The following ROBO2 variants were observed in gnomAD, a reference collection of about 807,000 sequenced individuals.
ROBO2 encodes roundabout guidance receptor 2.
ROBO2 carries 53 observed loss-of-function variants against 160.8 expected under a neutral mutation model. The observed-to-expected ratio is 0.33, with a 90% confidence interval of 0.26 to 0.41. ROBO2 has a LOEUF of 0.41. Among genes scored for constraint, ROBO2 ranks in the 10% least tolerant of loss-of-function variants. The pLI, the probability that ROBO2 is intolerant of heterozygous loss-of-function variation, is 1.00. For missense variants in ROBO2, 1,577 were observed against 1,722.4 expected (o/e 0.92, Z 1.49); for synonymous variants, 664 against 611.7 (o/e 1.09, Z -1.26).
At chr3:76,018,720 G>A (rs2107651246) in intron 2 of ROBO2, among the ~76,000 whole-genome samples, 1 of 151,826 alleles carries the variant, frequency 6.6e-6, no homozygotes, top group South Asian at 2.1e-4. Context: ...CTCCCCACAT[G>A]GTTAGTTTCT....
rs551312625 is a variant in ROBO2 at position 76,192,346 on chromosome 3, A to G, written c.109+254744A>G. On this transcript the variant is annotated intron_variant, in intron 2 of 26. Coordinates refer to the ROBO2 transcript ENST00000487694. ...CTTATTTTCTAAAGTTACTATTCCCATCCTTCTCCATTCTTTCAAACCTTT... is the reference window on the plus strand; with the variant it reads ...CTTATTTTCTAAAGTTACTATTCCCGTCCTTCTCCATTCTTTCAAACCTTT... 1.3e-3 allele frequency among the ~76,000 whole-genome samples: 193 copies of G among 151,896 alleles called. No homozygotes were observed. The Middle Eastern group carries it at 0.014, about 11-fold the overall frequency.
chr3:75,939,970 G>T (rs1008860063), intron 2 of ROBO2, among the ~76,000 whole-genome samples: 2 of 152,040 alleles, frequency 1.3e-5, no homozygotes, highest in African/African-American at 2.4e-5. Context: ...CAATGTCCAA[G>T]ATTATGATTA....
intron 2 of ROBO2, among the ~76,000 whole-genome samples, chr3:77,252,677 G>T (rs1473831772): frequency 6.7e-6 from 1 of 149,550 alleles, no homozygotes; most frequent in Admixed American, 6.7e-5. Flanking sequence ...GCGTGGTGGC[G>T]GGCGCCTGTA....
chr3:77,473,386 G>C (rs2083570596), intron 2 of ROBO2, among the ~76,000 whole-genome samples: 2 of 148,654 alleles, frequency 1.3e-5, no homozygotes, highest in Admixed American at 1.3e-4. Context: ...GCATTCACCC[G>C]TGCAAGCTTC....
At chr3:76,082,689 A>G (rs1284444215) in intron 2 of ROBO2, among the ~76,000 whole-genome samples, 2 of 151,818 alleles carry the variant, frequency 1.3e-5, no homozygotes, top group Non-Finnish European at 2.9e-5. Context: ...AGTCGCTGCT[A>G]CTCTCTTTCC....
At chr3:77,560,737 T>C (rs2093295539) in intron 9 of ROBO2, among the ~76,000 whole-genome samples, 1 of 152,188 alleles carries the variant, frequency 6.6e-6, no homozygotes, top group Non-Finnish European at 1.5e-5. Context: ...GCTAATGTCA[T>C]ACTTGTATCT....
At chr3:77,415,488 T>C (rs572091455) in intron 2 of ROBO2, among the ~76,000 whole-genome samples, 2 of 152,258 alleles carry the variant, frequency 1.3e-5, no homozygotes, top group African/African-American at 4.8e-5. Flanking sequence ...GAAGTGACAA[T>C]GACACAGGGC....
chr3:76,597,593 C>G (rs2086822920), intron 2 of ROBO2, among the ~76,000 whole-genome samples: 3 of 152,010 alleles, frequency 2.0e-5, no homozygotes, highest in Non-Finnish European at 4.4e-5. Context: ...AATAAAAAAA[C>G]AGATAACACT....
chr3:76,467,149 A>G, intron 2 of ROBO2, among the ~76,000 whole-genome samples: 1 of 152,118 alleles, frequency 6.6e-6, no homozygotes, highest in East Asian at 1.9e-4. Context: ...AGATGTCTAA[A>G]TCCTACCAAC....
intron 2 of ROBO2, among the ~76,000 whole-genome samples, chr3:76,956,116 A>T (rs940646613): frequency 6.6e-6 from 1 of 152,166 alleles, no homozygotes; most frequent in Non-Finnish European, 1.5e-5. Flanking sequence ...TAATCATGAA[A>T]ATCGCAGAAA....
intron 2 of ROBO2, among the ~76,000 whole-genome samples, chr3:77,311,744 CTA>C (rs2063557033): frequency 1.3e-5 from 2 of 152,082 alleles, no homozygotes; most frequent in African/African-American, 4.8e-5. Context: ...TCATTTGTTT[CTA>C]ATAAACAACT....
chr3:76,358,947 G>T (rs966539254), intron 2 of ROBO2, among the ~76,000 whole-genome samples: 2 of 103,010 alleles, frequency 1.9e-5, no homozygotes, highest in African/African-American at 8.0e-5. Context: ...AACAGTCCCC[G>T]GTGTGTGATG....
intron 3 of ROBO2, 145 bp downstream of exon 3, chr3:77,477,716 A>C: frequency 1.1e-6 from 1 of 898,234 alleles, no homozygotes; most frequent in Non-Finnish European, 1.7e-6. Flanking sequence ...AGATTTAAAA[A>C]CATTTGGATG....
chr3:77,642,668 T>C lies in ROBO2; in HGVS notation c.3935-2036T>C. The stretch of plus-strand genomic sequence containing the variant: ...CATTCTAAACATTATTCAAAATTTT[T>C]AGATCTTCCACCACCACCAGATCCC... On this transcript the variant is annotated intron_variant, in intron 24 of 25. Transcript: ENST00000461745. The C allele has an allele frequency of 2.2e-6, 1 of 452,764 alleles. No individual in the cohort carries two copies. Among genetic ancestry groups the C allele is most frequent in the Non-Finnish European group, 4.4e-6 (1 of 225,928 alleles). 28.0% of individuals were successfully genotyped at this position (452,764 alleles called of 1,614,324 possible). A position where few individuals can be genotyped will look rare whatever the true frequency, so the allele number is the denominator to read the frequency against.
chr3:76,905,330 C>G (rs537181809), intron 2 of ROBO2, among the ~76,000 whole-genome samples: 8 of 151,978 alleles, frequency 5.3e-5, no homozygotes, highest in African/African-American at 1.9e-4. Context: ...AAGGCAATCA[C>G]GTATAGGGGG....
At chr3:76,360,951 T>C (rs1332231786) in intron 2 of ROBO2, among the ~76,000 whole-genome samples, 1 of 152,006 alleles carries the variant, frequency 6.6e-6, no homozygotes, top group Non-Finnish European at 1.5e-5. Flanking sequence ...TATCAGGTCT[T>C]ACCTATTTCC....
At chr3:77,057,025 C>T (rs908589127) in intron 1 of ROBO2, among the ~76,000 whole-genome samples, 17 of 152,050 alleles carry the variant, frequency 1.1e-4, no homozygotes, top group Non-Finnish European at 1.9e-4. Context: ...ATGTTTATTG[C>T]GGCATTATTC....
At chr3:76,599,125 T>A (rs991953334) in intron 2 of ROBO2, among the ~76,000 whole-genome samples, 3 of 152,176 alleles carry the variant, frequency 2.0e-5, no homozygotes, top group Non-Finnish European at 4.4e-5. Flanking sequence ...ATTATAGAGG[T>A]AAACTCATGT....
intron 2 of ROBO2, among the ~76,000 whole-genome samples, chr3:76,289,240 T>C (rs555304732): frequency 3.4e-4 from 52 of 152,214 alleles, no homozygotes; most frequent in Non-Finnish European, 5.3e-4. Context: ...ATTTCCCTGG[T>C]GATTACCAAT....
Sources: gnomAD v4.1 joint callset for allele counts (sites outside exome capture counted in the v4.1 genomes callset) on GRCh38, gnomAD v4.1.1 for gene constraint, MANE v1.5 for transcripts, NCBI Gene and HGNC (gene_info 2026-07-23, HGNC 2026-07-21) for gene names.